Variants in CEP76 observed in about 807,000 individuals in gnomAD.
CEP76 encodes centrosomal protein 76.
Under a neutral mutation model 83.3 loss-of-function variants are expected in CEP76, and 55 were observed. That is an observed-to-expected ratio of 0.66 (90% CI 0.53 to 0.83). The LOEUF (loss-of-function observed/expected upper bound fraction) is 0.83, where lower values mean the gene tolerates loss of function less well. Ranked by LOEUF, CEP76 falls within the 40% of genes least tolerant of loss-of-function variation. CEP76 has a pLI of 0.00. For missense variants in CEP76, 694 were observed against 799.5 expected, an observed-to-expected ratio of 0.87 and a Z score of 1.59; for synonymous variants, 270 against 274.5, an observed-to-expected ratio of 0.98 and a Z score of 0.16.
At position 12,680,726 on chromosome 18, in the gene CEP76, C is replaced by T. The variant is rs374605689; in HGVS notation, c.1225G>A (p.Ala409Thr). ...TCAGTTCCACAAGTCATAACCCATG[C>T]ATGAGGTACTCCTTTTGCCTTGGTC... is the stretch of plus-strand genomic sequence containing the variant. The part of the protein sequence containing the change: ...VGTKAKGVPH[A>T]WVMTCGTDGA... Residue 409 changes from alanine to threonine, a missense_variant, in exon 9 of 12, where the codon GCA becomes ACA. By Grantham distance (58) the Ala-to-Thr change is moderately conservative. Transcript: ENST00000262127. The T allele has an allele frequency of 1.4e-4, 231 of 1,613,706 alleles. No individual in the cohort carries two copies. The highest frequency in any genetic ancestry group is 1.8e-4 in the Non-Finnish European group (212 of 1,179,928).
intron 5 of CEP76, among the ~76,000 whole-genome samples, chr18:12,695,937 C>T (rs1479149275): frequency 5.9e-5 from 9 of 152,024 alleles, no homozygotes; most frequent in Non-Finnish European, 1.3e-4. Flanking sequence ...CCATTTGTCA[C>T]TCCCCATTAT....
At chr18:12,666,597 C>G (rs1423989786) in intron 12 of CEP76, among the ~76,000 whole-genome samples, 1 of 151,786 alleles carries the variant, frequency 6.6e-6, no homozygotes, top group East Asian at 1.9e-4. Flanking sequence ...ACGCACCATG[C>G]CTGGTTGTTG....
chr18:12,668,040 G>C (rs190562301), downstream of CEP76, among the ~76,000 whole-genome samples: 494 of 151,866 alleles, frequency 3.3e-3, 3 homozygotes, highest in Non-Finnish European at 5.8e-3. Context: ...CGAGGCAGGC[G>C]TATCACCTGA....
intron 2 of CEP76, 73 bp downstream of exon 2, chr18:12,700,885 G>C: frequency 7.9e-7 from 1 of 1,273,098 alleles, no homozygotes; most frequent in Non-Finnish European, 1.1e-6. Flanking sequence ...CCCCACATCG[G>C]AACCTTATAA....
intron 11 of CEP76, among the ~76,000 whole-genome samples, 166 bp from the exon 12 acceptor site, chr18:12,673,669 C>T (rs2039012065): frequency 6.6e-6 from 1 of 152,060 alleles, no homozygotes; most frequent in Non-Finnish European, 1.5e-5. Context: ...CACCTGAGGT[C>T]AGGAGTTCAA....
Position 12,702,507 on chromosome 18 carries a change from G to C in CEP76, c.42C>G (p.Leu14=). The change falls in exon 1 of 12, where the codon CTC becomes CTG. Residue 14 remains leucine, a synonymous_variant. Coordinates refer to ENST00000262127, the MANE Select transcript of CEP76 (RefSeq NM_024899.4). ...TCACCTTGCTCAGCTGCTGGTGGAT[G>C]AGCTGCTTCAGCTCGGAGGCTTTCT... The part of the protein sequence containing the change: ...PPEKASELKQ[L]IHQQLSKMDV... 6.2e-7 allele frequency: 1 copy of C among 1,610,068 alleles called. No individual in the cohort carries two copies. Among genetic ancestry groups the C allele is most frequent in the South Asian group, 1.1e-5 (1 of 90,426 alleles).
chr18:12,681,146 T>A (rs2145017989), intron 8 of CEP76, among the ~76,000 whole-genome samples: 1 of 145,208 alleles, frequency 6.9e-6, no homozygotes, highest in South Asian at 2.2e-4. Flanking sequence ...TGCAGTGAGC[T>A]ACAATCGCGC....
At chr18:12,695,098 T>C (rs2039904768) in intron 6 of CEP76, among the ~76,000 whole-genome samples, 156 bp downstream of exon 6, 2 of 152,208 alleles carry the variant, frequency 1.3e-5, no homozygotes, top group African/African-American at 4.8e-5. Flanking sequence ...ATCTTGTCTT[T>C]ATTTTCTTCC....
At position 12,697,281 on chromosome 18, in the gene CEP76, T is replaced by A. The variant is rs370980507; in HGVS notation, c.648A>T (p.Arg216=). 34 of 1,613,918 alleles carry A rather than the reference T, an allele frequency of 2.1e-5. No homozygotes were observed. The highest frequency in any genetic ancestry group is 2.8e-5 in the Non-Finnish European group (33 of 1,179,980). ...CTCCATTTTCTGAGCCCAAAACCGA[T>A]CGCCATTCCAGAAAATATGATGCTA... ...TLVASYFLEW[R]SVLGSENGVT... Residue 216 remains arginine, a synonymous_variant, in exon 5 of 12, where the codon CGA becomes CGT. Coordinates refer to ENST00000262127, the MANE Select transcript of CEP76 (RefSeq NM_024899.4).
intron 6 of CEP76, among the ~76,000 whole-genome samples, chr18:12,693,780 T>G (rs1179137533): frequency 6.6e-6 from 1 of 152,100 alleles, no homozygotes; most frequent in Non-Finnish European, 1.5e-5. Flanking sequence ...AGACTCTGTC[T>G]GAAAAAAACA....
chr18:12,700,892 A>AT, intron 2 of CEP76, 66 bp downstream of exon 2: 2 of 1,338,780 alleles, frequency 1.5e-6, no homozygotes, highest in Non-Finnish European at 2.1e-6. Context: ...TCGGAACCTT[A>AT]TAAGTAGTGT....
At chr18:12,688,131 T>TGAG (rs1001373995) in intron 7 of CEP76, among the ~76,000 whole-genome samples, 1 of 148,644 alleles carries the variant, frequency 6.7e-6, no homozygotes, top group African/African-American at 2.5e-5. Flanking sequence ...CTTAGGAGGC[T>TGAG]GAGGCAGGAG....
intron 8 of CEP76, 152 bp from the exon 9 acceptor site, chr18:12,680,980 C>T (rs2039327116): frequency 3.2e-6 from 2 of 620,442 alleles, no homozygotes; most frequent in African/African-American, 3.8e-5. Flanking sequence ...GGGTGGATCA[C>T]ATGACGTCAG....
intron 10 of CEP76, among the ~76,000 whole-genome samples, chr18:12,677,426 C>CA (rs1362909868): frequency 7.2e-6 from 1 of 139,748 alleles, no homozygotes; most frequent in East Asian, 2.1e-4. Context: ...CACTGCGCTC[C>CA]AGCCTGGGTG....
rs376057390 is a variant in CEP76, at chr18:12,691,450, C to T, written c.842G>A (p.Arg281Gln). The change falls in exon 7 of 12, where the codon CGA becomes CAA. Residue 281 changes from arginine to glutamine, a missense_variant. Arg to Gln is a conservative substitution (Grantham distance 43, BLOSUM62 1). Coordinates refer to ENST00000262127, the MANE Select transcript of CEP76 (RefSeq NM_024899.4). ...CTGCTTAGCATATACAAGAAATAAT[C>T]GCTCTTTCTCTGCAGTTTTCTGACG... The part of the protein sequence containing the change: ...LERQKTAEKE[R>Q]LFLVYAKQWW... 107 of 1,606,668 alleles carry T rather than the reference C, an allele frequency of 6.7e-5. No individual in the cohort carries two copies. The highest frequency in any genetic ancestry group is 8.8e-5 in the Non-Finnish European group (103 of 1,176,628).
At chr18:12,692,995 A>T (rs2039823076) in intron 6 of CEP76, among the ~76,000 whole-genome samples, 2 of 152,184 alleles carry the variant, frequency 1.3e-5, no homozygotes, top group East Asian at 1.9e-4. Context: ...GTTAATTTTT[A>T]AAAATTTTTG....
chr18:12,682,413 T>C (rs2039383941), intron 8 of CEP76, among the ~76,000 whole-genome samples: 1 of 152,134 alleles, frequency 6.6e-6, no homozygotes, highest in South Asian at 2.1e-4. Flanking sequence ...GGTCTCGAAT[T>C]CCTGGACTCA....
chr18:12,668,796 T>C (rs1019457357), downstream of CEP76, among the ~76,000 whole-genome samples: 20 of 137,360 alleles, frequency 1.5e-4, no homozygotes, highest in Non-Finnish European at 2.9e-4. Context: ...TGGAGTGTAG[T>C]GGAGAGCAAT....
chr18:12,701,129 A>T lies in CEP76; in HGVS notation c.64-16T>A. 6 of 1,596,686 alleles carry T rather than the reference A, an allele frequency of 3.8e-6. No homozygotes were observed. Among genetic ancestry groups the T allele is most frequent in the Non-Finnish European group, 5.1e-6 (6 of 1,170,964 alleles). ...GGACATCCATCTATGTAGAAAACTC[A>T]TATTACAATTTATAACATCACAAAG... On this transcript the variant is annotated splice_polypyrimidine_tract_variant and intron_variant, in intron 1 of 11. Transcript: ENST00000262127.
Sources: gnomAD v4.1 joint callset for allele counts (sites outside exome capture counted in the v4.1 genomes callset) on GRCh38, gnomAD v4.1.1 for gene constraint, MANE v1.5 for transcripts, NCBI Gene and HGNC (gene_info 2026-07-23, HGNC 2026-07-21) for gene names.